NEDD4: variants seen among roughly 807,000 people sequenced by gnomAD.
NEDD4 encodes NEDD4 E3 ubiquitin protein ligase, also known as E3 ubiquitin-protein ligase NEDD4.
A neutral mutation model predicts 144.9 loss-of-function variants in NEDD4; 99 were observed. That is an observed-to-expected ratio of 0.68 (90% CI 0.58 to 0.81). The LOEUF is 0.81. Ranked by LOEUF, NEDD4 falls within the 30% of genes least tolerant of loss-of-function variation. The pLI is 0.00. For missense variants in NEDD4, 985 were observed against 1,065.9 expected, an observed-to-expected ratio of 0.92 and a Z score of 1.06; for synonymous variants, 318 against 350.6, an observed-to-expected ratio of 0.91 and a Z score of 1.04.
chr15:55,974,891 C>CTTTTTTTTT (rs56285555), intron 1 of NEDD4, among the ~76,000 whole-genome samples: 50 of 75,704 alleles, frequency 6.6e-4, no homozygotes, highest in African/African-American at 2.0e-3. Context: ...CTTTTCCTTT[C>CTTTTTTTTT]TTTTTTTTTT....
chr15:55,866,017 G>C (rs1365854341), intron 8 of NEDD4, among the ~76,000 whole-genome samples: 1 of 151,948 alleles, frequency 6.6e-6, no homozygotes, highest in African/African-American at 2.4e-5. Context: ...CTGCAGCCTT[G>C]ACCTCTTGAG....
intron 13 of NEDD4, among the ~76,000 whole-genome samples, chr15:55,851,019 A>T (rs551816466): frequency 1.3e-5 from 2 of 152,298 alleles, no homozygotes; most frequent in South Asian, 4.1e-4. Context: ...TCAAGCAGTA[A>T]GATGTTAGTT....
chr15:55,852,255 A>G (rs1296385825), intron 13 of NEDD4, among the ~76,000 whole-genome samples, 169 bp downstream of exon 13: 1 of 151,946 alleles, frequency 6.6e-6, no homozygotes, highest in Non-Finnish European at 1.5e-5. Flanking sequence ...CGATCACGCC[A>G]TTGGACTCCA....
chr15:55,919,289 A>G (rs992023451), intron 5 of NEDD4, among the ~76,000 whole-genome samples: 1 of 152,086 alleles, frequency 6.6e-6, no homozygotes, highest in African/African-American at 2.4e-5. Context: ...TTCTTTCAGG[A>G]TTTTTCTTGT....
chr15:55,962,762 C>A (rs1211212248), intron 2 of NEDD4, among the ~76,000 whole-genome samples: 1 of 151,612 alleles, frequency 6.6e-6, no homozygotes, highest in Non-Finnish European at 1.5e-5. Context: ...TTTTTTTGTT[C>A]ATTTGTTCCT....
chr15:55,928,746 A>G (rs140833857), intron 4 of NEDD4, among the ~76,000 whole-genome samples: 46 of 152,348 alleles, frequency 3.0e-4, no homozygotes, highest in African/African-American at 1.1e-3. Context: ...GTAGTTGATC[A>G]GATTTACTAC....
At chr15:55,846,940 CTT>C in intron 18 of NEDD4, 27 bp downstream of exon 18, 2 of 1,363,832 alleles carry the variant, frequency 1.5e-6, no homozygotes, top group Non-Finnish European at 2.1e-6. Context: ...ATTGATGACT[CTT>C]AAGTATTTAT....
Position 55,860,529 on chromosome 15 carries a change from G to C in NEDD4, c.838C>G (p.Gln280Glu), listed in dbSNP as rs200514829. The change falls in exon 11 of 29, where the codon CAG becomes GAG. Residue 280 changes from glutamine to glutamate, a missense_variant. Transcript: ENST00000435532. ...GACGGTGGAGGTGATGGGAAGGCCT[G>C]GTTGCTATACATGGTGGCTTCATCT... Reference protein sequence around the residue: ...REDEATMYSNQAFPSPPPSSN... With the variant: ...REDEATMYSNEAFPSPPPSSN... The C allele has an allele frequency of 1.8e-5, 29 of 1,614,080 alleles. No individual in the cohort carries two copies. The Admixed American group carries it at 4.7e-4, about 26-fold the overall frequency.
intron 9 of NEDD4, among the ~76,000 whole-genome samples, chr15:55,861,772 CA>C (rs1342529797): frequency 1.3e-5 from 2 of 152,116 alleles, no homozygotes; most frequent in African/African-American, 4.8e-5. Flanking sequence ...ACCAGTCTAT[CA>C]GATCAAGAAT....
chr15:55,847,023 G>A lies in NEDD4; in HGVS notation c.1554C>T (p.Tyr518=), dbSNP rs147450625. The A allele has an allele frequency of 4.0e-5, 64 of 1,606,164 alleles. 1 individual carries two copies. In the South Asian group the frequency reaches 6.4e-4, roughly 16 times the overall value. Reference sequence around the variant, plus strand: ...CATACTTTCTTTTGTAATCCCTGGAGTAGGGCACTGCCTTTAGTTGGAAAT... The same window carrying A: ...CATACTTTCTTTTGTAATCCCTGGAATAGGGCACTGCCTTTAGTTGGAAAT... ...NVAITGPAVP[Y]SRDYKRKYEF... is the part of the protein sequence containing the mutation. The change falls in exon 18 of 29, where the codon TAC becomes TAT. Residue 518 remains tyrosine, a synonymous_variant. Coordinates refer to ENST00000435532, the MANE Select transcript of NEDD4 (RefSeq NM_006154.4).
intron 18 of NEDD4, among the ~76,000 whole-genome samples, chr15:55,842,672 C>A (rs2033568711): frequency 6.6e-6 from 1 of 152,190 alleles, no homozygotes; most frequent in South Asian, 2.1e-4. Context: ...GCCATGGCAC[C>A]CGGCCTAAAG....
At chr15:55,933,290 T>C (rs201547754) in intron 4 of NEDD4, among the ~76,000 whole-genome samples, 1 of 152,006 alleles carries the variant, frequency 6.6e-6, no homozygotes, top group Non-Finnish European at 1.5e-5. Flanking sequence ...CAAATGTCCA[T>C]CAATGATAGA....
intron 19 of NEDD4, 74 bp from the exon 20 acceptor site, chr15:55,840,801 TC>T: frequency 1.4e-6 from 2 of 1,451,940 alleles, no homozygotes; most frequent in Non-Finnish European, 1.9e-6. Context: ...ATAATCTTCC[TC>T]CTTTAAGAGT....
chr15:55,990,567 T>A (rs2037973841), intron 1 of NEDD4, among the ~76,000 whole-genome samples: 1 of 152,222 alleles, frequency 6.6e-6, no homozygotes, highest in Non-Finnish European at 1.5e-5. Flanking sequence ...ACTGTGCTTA[T>A]CAGCAGAAAA....
chr15:55,897,096 C>A (rs757365505), intron 5 of NEDD4, among the ~76,000 whole-genome samples: 1 of 152,166 alleles, frequency 6.6e-6, no homozygotes, highest in Non-Finnish European at 1.5e-5. Context: ...GCCTCAGCCT[C>A]CCGAGTAGCT....
At chr15:55,955,051 T>C (rs560208140) in intron 2 of NEDD4, among the ~76,000 whole-genome samples, 1 of 152,256 alleles carries the variant, frequency 6.6e-6, no homozygotes, top group Admixed American at 6.5e-5. Context: ...GACAGAGTCT[T>C]GCAACGTTGC....
chr15:55,838,097 AAATACTTACTAAATAT>A lies in NEDD4; in HGVS notation c.2195_2201+9del. On this transcript the variant is annotated splice_donor_variant and splice_donor_5th_base_variant and coding_sequence_variant and intron_variant, in exon 23 of 29. Transcript: ENST00000435532. LOFTEE classifies it high-confidence loss of function. ...ATATCCAATAAAATACATACTAATA[AAATACTTACTAAATAT>A]ATTCCTTTTTGTTCTTATTGGTGAC... is the stretch of plus-strand genomic sequence containing the variant. 1 of 1,448,930 alleles carries A rather than the reference AAATACTTACTAAATAT, an allele frequency of 6.9e-7. No homozygotes were observed. The highest frequency in any genetic ancestry group is 9.5e-7 in the Non-Finnish European group (1 of 1,054,630). 89.8% of individuals were successfully genotyped at this position (1,448,930 alleles called of 1,614,324 possible). A position where few individuals can be genotyped will look rare whatever the true frequency, so the allele number is the denominator to read the frequency against.
intron 5 of NEDD4, among the ~76,000 whole-genome samples, chr15:55,890,925 T>C (rs1209295294): frequency 6.6e-6 from 1 of 152,206 alleles, no homozygotes; most frequent in Admixed American, 6.5e-5. Context: ...TTATTGTGCT[T>C]ATTTCCTAAA....
At chr15:55,909,884 T>C (rs570588571) in intron 5 of NEDD4, among the ~76,000 whole-genome samples, 4 of 152,326 alleles carry the variant, frequency 2.6e-5, no homozygotes, top group African/African-American at 9.6e-5. Flanking sequence ...GTCTTATTTT[T>C]GGTGGTAGAG....
Sources: gnomAD v4.1 joint callset for allele counts (sites outside exome capture counted in the v4.1 genomes callset) on GRCh38, gnomAD v4.1.1 for gene constraint, MANE v1.5 for transcripts, NCBI Gene and HGNC (gene_info 2026-07-23, HGNC 2026-07-21) for gene names.